Variants in SLC38A4 observed in about 807,000 individuals in gnomAD.
SLC38A4 encodes the protein sodium-coupled neutral amino acid transporter 4.
In SLC38A4, 20 loss-of-function variants were observed where a neutral mutation model predicts 63.1. The observed-to-expected ratio is 0.32, with a 90% CI of 0.22 to 0.46. The LOEUF (loss-of-function observed/expected upper bound fraction) is 0.46. SLC38A4 is among the 20% of genes least tolerant of loss of function. The pLI, the probability that SLC38A4 is intolerant of heterozygous loss-of-function variation, is 1.00. For synonymous variants in SLC38A4, 230 were observed against 225.5 expected (o/e 1.02, Z -0.18); for missense variants, 526 against 663.6 (o/e 0.79, Z 2.28).
chr12:46,788,131 A>C (rs1227614555), intron 4 of SLC38A4, 100 bp from the exon 5 acceptor site: 2 of 782,474 alleles, frequency 2.6e-6, no homozygotes, highest in East Asian at 5.2e-5. Context: ...ACAGTCCAAA[A>C]TTGAAGACTA....
chr12:46,831,877 G>C (rs960854353), intron 1 of SLC38A4, among the ~76,000 whole-genome samples: 1 of 152,134 alleles, frequency 6.6e-6, no homozygotes, highest in Non-Finnish European at 1.5e-5. Flanking sequence ...CGCGGCCACG[G>C]AACGCAGTCC....
At chr12:46,783,171 T>C (rs1938681308) in intron 7 of SLC38A4, among the ~76,000 whole-genome samples, 1 of 150,718 alleles carries the variant, frequency 6.6e-6, no homozygotes, top group Non-Finnish European at 1.5e-5. Flanking sequence ...ATAAATATAA[T>C]TTGTTATGGT....
Position 46,809,831 on chromosome 12 carries a change from A to G in SLC38A4, c.-304-6037T>C, listed in dbSNP as rs143688286. ...ATATTTAGGTCTGGGGATGGATTCA[A>G]GTATGTTTAGATGGCCGATTTGCAG... On this transcript the variant is annotated intron_variant, in intron 1 of 16. Coordinates refer to ENST00000266579, the MANE Select transcript of SLC38A4 (RefSeq NM_018018.5). 2.7e-4 allele frequency among the ~76,000 whole-genome samples: 41 copies of G among 152,150 alleles called. 1 individual carries two copies. The highest frequency in any genetic ancestry group is 9.4e-4 in the African/African-American group (39 of 41,542).
chr12:46,780,288 A>G (rs1053622205), intron 7 of SLC38A4, among the ~76,000 whole-genome samples: 2 of 152,012 alleles, frequency 1.3e-5, no homozygotes, highest in Non-Finnish European at 2.9e-5. Flanking sequence ...GTGAAGCTGC[A>G]GTTCTAAGGT....
chr12:46,823,747 C>T (rs1191512845), intron 1 of SLC38A4, among the ~76,000 whole-genome samples: 1 of 152,202 alleles, frequency 6.6e-6, no homozygotes, highest in Non-Finnish European at 1.5e-5. Context: ...TTGTTCTCTT[C>T]TCTCTTTGGA....
At chr12:46,802,029 A>C (rs1001041447) in intron 2 of SLC38A4, among the ~76,000 whole-genome samples, 33 of 152,106 alleles carry the variant, frequency 2.2e-4, no homozygotes, top group African/African-American at 8.0e-4. Context: ...AAATAACCAA[A>C]TACTAAGGTC....
rs202067378 is a variant in SLC38A4 at position 46,819,857 on chromosome 12, A to G, written c.-305+6046T>C. On this transcript the variant is annotated intron_variant, in intron 1 of 16. Coordinates refer to ENST00000266579, the MANE Select transcript of SLC38A4 (RefSeq NM_018018.5). ...CGAAAGTTTGAAAGAAGATACTACA[A>G]ATTCTTTCAGTCAACCAGAAGTATT... Among the ~76,000 whole-genome samples the G allele has an allele frequency of 5.3e-5, 8 of 152,016 alleles. No individual in the cohort carries two copies. The East Asian group carries it at 1.2e-3, about 22-fold the overall frequency.
intron 1 of SLC38A4, among the ~76,000 whole-genome samples, chr12:46,807,690 T>C (rs1939260974): frequency 6.6e-6 from 1 of 152,012 alleles, no homozygotes; most frequent in African/African-American, 2.4e-5. Context: ...TCTTCCTAAA[T>C]TATTCAAATA....
At chr12:46,822,756 G>C (rs1356400359) in intron 1 of SLC38A4, among the ~76,000 whole-genome samples, 5 of 152,168 alleles carry the variant, frequency 3.3e-5, no homozygotes, top group Admixed American at 6.5e-5. Context: ...CAACAAACAA[G>C]AGTCTACTTC....
chr12:46,770,629 C>G (rs1938398808), intron 14 of SLC38A4, among the ~76,000 whole-genome samples: 1 of 152,214 alleles, frequency 6.6e-6, no homozygotes, highest in East Asian at 1.9e-4. Flanking sequence ...GCTGCTGTAA[C>G]TGGATAAAGA....
At chr12:46,766,928 TGCCCAG>T (rs1485681616) in intron 16 of SLC38A4, 126 bp from the exon 17 acceptor site, 2 of 617,376 alleles carry the variant, frequency 3.2e-6, no homozygotes, top group East Asian at 2.8e-5. Flanking sequence ...ATATCTCAGA[TGCCCAG>T]GCCTAACCTA....
At chr12:46,813,152 A>G (rs1294437178) in intron 1 of SLC38A4, among the ~76,000 whole-genome samples, 1 of 151,990 alleles carries the variant, frequency 6.6e-6, no homozygotes, top group Non-Finnish European at 1.5e-5. Context: ...CCTTAAGATA[A>G]CCTGGGAGAG....
intron 1 of SLC38A4, among the ~76,000 whole-genome samples, chr12:46,823,501 T>C (rs1330972864): frequency 1.3e-5 from 2 of 152,098 alleles, no homozygotes; most frequent in East Asian, 1.9e-4. Context: ...GGAACCACCA[T>C]TGCCAGCTAC....
upstream of SLC38A4, among the ~76,000 whole-genome samples, chr12:46,826,345 C>A (rs1004385977): frequency 1.6e-4 from 25 of 152,230 alleles, no homozygotes; most frequent in African/African-American, 6.0e-4. Flanking sequence ...AAGACTTTCA[C>A]TGGACCAAAA....
upstream of SLC38A4, among the ~76,000 whole-genome samples, chr12:46,830,559 T>G (rs1018617644): frequency 2.0e-5 from 3 of 152,136 alleles, no homozygotes; most frequent in Non-Finnish European, 4.4e-5. Flanking sequence ...GGCTGTAGGA[T>G]AGCTAGAAAT....
chr12:46,791,416 A>G (rs1337315849), intron 3 of SLC38A4, among the ~76,000 whole-genome samples: 2 of 152,176 alleles, frequency 1.3e-5, no homozygotes, highest in African/African-American at 4.8e-5. Context: ...GCTATAATTT[A>G]CATCTCAGTG....
chr12:46,827,495 G>A (rs560370881), upstream of SLC38A4, among the ~76,000 whole-genome samples: 126 of 152,188 alleles, frequency 8.3e-4, no homozygotes, highest in Middle Eastern at 3.4e-3. Flanking sequence ...ATCTTGACTG[G>A]CATAAACATC....
intron 1 of SLC38A4, among the ~76,000 whole-genome samples, chr12:46,806,695 A>G (rs576599337): frequency 3.9e-5 from 6 of 152,158 alleles, no homozygotes; most frequent in Non-Finnish European, 5.9e-5. Flanking sequence ...TTTTCCTTAC[A>G]TAGAGAAAGA....
chr12:46,777,460 G>C (rs1376408574), intron 12 of SLC38A4, among the ~76,000 whole-genome samples: 1 of 151,958 alleles, frequency 6.6e-6, no homozygotes, highest in Non-Finnish European at 1.5e-5. Flanking sequence ...GGCTGCCAAA[G>C]ATCAATTGTC....
Sources: gnomAD v4.1 joint callset for allele counts (sites outside exome capture counted in the v4.1 genomes callset) on GRCh38, gnomAD v4.1.1 for gene constraint, MANE v1.5 for transcripts, NCBI Gene and HGNC (gene_info 2026-07-23, HGNC 2026-07-21) for gene names.